Variants in CNNM2 observed in about 807,000 individuals in gnomAD.
The protein encoded by CNNM2 is metal transporter CNNM2.
A neutral mutation model predicts 66.9 loss-of-function variants in CNNM2; 12 were observed. That is an observed-to-expected ratio of 0.18 (90% CI 0.11 to 0.29). The LOEUF (loss-of-function observed/expected upper bound fraction) is 0.29. Ranked by LOEUF, CNNM2 falls within the 10% of genes least tolerant of loss-of-function variation. The pLI, the probability that CNNM2 is intolerant of heterozygous loss-of-function variation, is 1.00. For missense variants in CNNM2, 705 were observed against 1,167.7 expected (o/e 0.60, Z 5.77); for synonymous variants, 557 against 501.8 (o/e 1.11, Z -1.47).
chr10:102,964,623 C>T (rs1471829769), intron 1 of CNNM2, among the ~76,000 whole-genome samples: 1 of 152,138 alleles, frequency 6.6e-6, no homozygotes, highest in African/African-American at 2.4e-5. Flanking sequence ...ACCACCTACT[C>T]AGCCTAGGAG....
rs2065185437 is a variant in CNNM2, at chr10:103,049,717, C to T, written c.1632C>T (p.His544=). Residue 544 remains histidine, a synonymous_variant, in exon 2 of 8, where the codon CAC becomes CAT. Coordinates refer to ENST00000369878, the MANE Select transcript of CNNM2 (RefSeq NM_017649.5). ...MLEEFKKGKS[H]LAIVQRVNNE... ...TTCTTGTCTCTAAAGGTAAATCTCA[C>T]CTGGCTATCGTGCAGCGGGTAAACA... 5 of 1,613,046 alleles carry T rather than the reference C, an allele frequency of 3.1e-6. No homozygotes were observed. Among genetic ancestry groups the T allele is most frequent in the Middle Eastern group, 1.6e-4 (1 of 6,080 alleles).
At chr10:102,958,573 C>T (rs1298292003) in intron 1 of CNNM2, among the ~76,000 whole-genome samples, 1 of 140,208 alleles carries the variant, frequency 7.1e-6, no homozygotes, top group African/African-American at 2.7e-5. Context: ...CAGGTTCAGG[C>T]GATTCTCCTG....
chr10:102,997,378 T>C (rs2064022877), intron 1 of CNNM2, among the ~76,000 whole-genome samples: 1 of 152,210 alleles, frequency 6.6e-6, no homozygotes, highest in Admixed American at 6.6e-5. Flanking sequence ...TTCGGGCCAT[T>C]GATAGGCCAT....
At chr10:103,006,974 C>G (rs959413936) in intron 1 of CNNM2, among the ~76,000 whole-genome samples, 1 of 152,098 alleles carries the variant, frequency 6.6e-6, no homozygotes, top group Non-Finnish European at 1.5e-5. Context: ...GTTCTATAAC[C>G]CAATAAATTT....
intron 4 of CNNM2, among the ~76,000 whole-genome samples, chr10:103,063,532 A>G (rs2065424889): frequency 1.3e-5 from 2 of 152,246 alleles, no homozygotes; most frequent in African/African-American, 4.8e-5. Context: ...AGGGAAGTTT[A>G]GGATTCCACT....
At chr10:103,070,269 G>A (rs886737503) in intron 5 of CNNM2, among the ~76,000 whole-genome samples, 3 of 152,334 alleles carry the variant, frequency 2.0e-5, no homozygotes, top group Admixed American at 2.0e-4. Context: ...CTAGGCATGA[G>A]AAGACCTGGG....
chr10:103,010,487 C>G (rs1194218310), intron 1 of CNNM2, among the ~76,000 whole-genome samples: 1 of 152,070 alleles, frequency 6.6e-6, no homozygotes, highest in Non-Finnish European at 1.5e-5. Context: ...GCCTTGGCTT[C>G]TCAAAGTGCT....
intron 1 of CNNM2, among the ~76,000 whole-genome samples, chr10:102,948,402 G>A (rs1846698752): frequency 1.3e-5 from 2 of 152,188 alleles, no homozygotes; most frequent in Non-Finnish European, 2.9e-5. Flanking sequence ...GTGTGGAAAA[G>A]AGACTATTGC....
In CNNM2 at chr10:102,919,596, G is replaced by A. The variant is rs1845549655; in HGVS notation, c.1116G>A (p.Gly372=). Residue 372 remains glycine (G), a synonymous_variant, in exon 1 of 8, where the codon GGG becomes GGA. Transcript: ENST00000369878. ...GCTCCCGGCATGGCCTGGCTGTGGG[G>A]GCCAACACCATCTTCCTCACCAAGT... ...AICSRHGLAV[G]ANTIFLTKFF... 1 of 1,613,562 alleles carries A rather than the reference G, an allele frequency of 6.2e-7. No individual in the cohort carries two copies. The highest frequency in any genetic ancestry group is 1.3e-5 in the African/African-American group (1 of 74,926).
chr10:103,066,001 C>T (rs3781284), intron 4 of CNNM2, among the ~76,000 whole-genome samples: 127 of 152,238 alleles, frequency 8.3e-4, no homozygotes, highest in East Asian at 2.7e-3. Flanking sequence ...CCTCTCCTGC[C>T]GGGGCCACTG....
chr10:103,064,263 G>A (rs540498975), intron 4 of CNNM2, among the ~76,000 whole-genome samples: 3 of 152,336 alleles, frequency 2.0e-5, no homozygotes, highest in South Asian at 4.1e-4. Flanking sequence ...AGACAGTTGC[G>A]ATGAGCTTTT....
intron 2 of CNNM2, among the ~76,000 whole-genome samples, chr10:103,051,524 T>G (rs1375474688): frequency 1.3e-5 from 2 of 151,254 alleles, no homozygotes; most frequent in East Asian, 3.9e-4. Context: ...GTGGATCACT[T>G]GAGTTCGGGA....
intron 1 of CNNM2, among the ~76,000 whole-genome samples, chr10:103,017,910 A>G (rs1166847960): frequency 6.8e-6 from 1 of 146,762 alleles, no homozygotes; most frequent in East Asian, 2.0e-4. Flanking sequence ...GTTGCAGTGA[A>G]CCAAGTTAGC....
rs1491384853 is a variant in CNNM2 at position 102,973,519 on chromosome 10, T to TG, written c.1621+53418_1621+53419insG. Among the ~76,000 whole-genome samples, 848 of 99,542 alleles carry TG rather than the reference T, an allele frequency of 8.5e-3. 6 individuals carry two copies. Among genetic ancestry groups the TG allele is most frequent in the African/African-American group, 0.032 (738 of 22,734 alleles). The allele number at this position is 99,542 out of a possible 152,430, so 65.3% of individuals were successfully genotyped here. ...CTAATTTTCTGTGTGTGTGTGTGTGTTTTTTTTTTTTTTGGTAGAGACAAG... is the reference window on the plus strand; with the variant it reads ...CTAATTTTCTGTGTGTGTGTGTGTGTGTTTTTTTTTTTTTGGTAGAGACAAG... On this transcript the variant is annotated intron_variant, in intron 1 of 7. Coordinates refer to ENST00000369878, the MANE Select transcript of CNNM2 (RefSeq NM_017649.5).
At chr10:102,983,989 C>G (rs1330129828) in intron 1 of CNNM2, among the ~76,000 whole-genome samples, 1 of 152,016 alleles carries the variant, frequency 6.6e-6, no homozygotes, top group Non-Finnish European at 1.5e-5. Flanking sequence ...CTCCTGACTT[C>G]AGGTGATCCA....
intron 1 of CNNM2, among the ~76,000 whole-genome samples, chr10:103,011,881 C>T (rs747280895): frequency 4.6e-5 from 7 of 151,882 alleles, no homozygotes; most frequent in Admixed American, 1.3e-4. Flanking sequence ...TTAGTAGAGA[C>T]GGGGTTTCAC....
chr10:102,980,951 A>T (rs2063709840), intron 1 of CNNM2, among the ~76,000 whole-genome samples: 2 of 152,194 alleles, frequency 1.3e-5, no homozygotes, highest in African/African-American at 4.8e-5. Context: ...ACATCAGGTT[A>T]TGCATCAGTT....
intron 1 of CNNM2, among the ~76,000 whole-genome samples, chr10:103,038,329 C>G (rs2064979399): frequency 6.6e-6 from 1 of 152,116 alleles, no homozygotes; most frequent in African/African-American, 2.4e-5. Context: ...GAAATTCAAC[C>G]AGTCAATTTT....
chr10:102,948,826 T>C (rs749146204), intron 1 of CNNM2, among the ~76,000 whole-genome samples: 28 of 152,032 alleles, frequency 1.8e-4, no homozygotes, highest in Non-Finnish European at 2.9e-4. Flanking sequence ...GAGAGGATGA[T>C]TGATTTGAAG....
Sources: allele counts gnomAD v4.1 joint callset (sites outside exome capture counted in the v4.1 genomes callset), GRCh38; gene constraint gnomAD v4.1.1; transcripts MANE v1.5; gene names NCBI Gene and HGNC (gene_info 2026-07-23, HGNC 2026-07-21).